Variants in MICAL3 observed in about 807,000 individuals in gnomAD.
MICAL3 encodes microtubule associated monooxygenase, calponin and LIM domain containing 3, also known as [F-actin]-monooxygenase MICAL3.
MICAL3 carries 62 observed loss-of-function variants against 207.4 expected under a neutral mutation model. The ratio of observed to expected loss-of-function variants is 0.30; its 90% CI spans 0.24 to 0.37. The LOEUF is 0.37. Among genes scored for constraint, MICAL3 ranks in the 10% least tolerant of loss-of-function variants. MICAL3 has a pLI of 1.00. For synonymous variants in MICAL3, 1,077 were observed against 1,069.3 expected, an observed-to-expected ratio of 1.01 and a Z score of -0.14; for missense variants, 2,368 against 2,635.6, an observed-to-expected ratio of 0.90 and a Z score of 2.22.
chr22:17,979,784 C>CAAAAAAAAACA lies in MICAL3; in HGVS notation c.-75+44486_-75+44496dup, dbSNP rs58179741. On this transcript the variant is annotated intron_variant, in intron 1 of 31. Transcript: ENST00000441493. The stretch of plus-strand genomic sequence containing the variant: ...GGCTTTACTGGTGGATTTAAAAAAA[C>CAAAAAAAAACA]AAAAAAAAACAAAAAAAAAACCCAC... 2.0e-5 allele frequency among the ~76,000 whole-genome samples: 3 copies of CAAAAAAAAACA among 148,214 alleles called. No individual in the cohort carries two copies. In the East Asian group the frequency reaches 6.1e-4, roughly 30 times the overall value.
In MICAL3 at chr22:17,902,325, C is replaced by A. The variant is rs1346895360; in HGVS notation, c.589+306G>T. Among the ~76,000 whole-genome samples, 1 of 152,222 alleles carries A rather than the reference C, an allele frequency of 6.6e-6. No homozygotes were observed. Among genetic ancestry groups the A allele is most frequent in the African/African-American group, 2.4e-5 (1 of 41,446 alleles). On this transcript the variant is annotated intron_variant, in intron 4 of 31. Transcript: ENST00000441493. The surrounding 1 kb of genome is among the most constrained non-coding windows in gnomAD (Gnocchi z 4.5). ...ACGCAGGAGAATTGCTCAGAGGTCA[C>A]AGTGAGCCAAGATTGAGCTACCGCA...
At chr22:17,963,885 C>T (rs935817026) in intron 1 of MICAL3, among the ~76,000 whole-genome samples, 1 of 152,158 alleles carries the variant, frequency 6.6e-6, no homozygotes, top group Non-Finnish European at 1.5e-5. Flanking sequence ...CAAATAGGCA[C>T]AAGGTCGTGG....
Position 18,024,547 on chromosome 22 carries a change from G to A in MICAL3, c.-341C>T, listed in dbSNP as rs1231772299. The A allele has an allele frequency of 6.6e-6, 1 of 151,786 alleles. No homozygotes were observed. Among genetic ancestry groups the A allele is most frequent in the African/African-American group, 2.4e-5 (1 of 41,400 alleles). The allele number at this position is 151,786 out of a possible 1,614,324, so 9.4% of individuals were successfully genotyped here. On this transcript the variant is annotated 5_prime_UTR_variant, in exon 1 of 32. Transcript: ENST00000441493. ...CCGCCGGGACTCCGCCGGGGCTGCAGGAGCGCGCGCTGCTGGCTGGGCGGG... is the reference window on the plus strand; with the variant it reads ...CCGCCGGGACTCCGCCGGGGCTGCAAGAGCGCGCGCTGCTGGCTGGGCGGG...
chr22:17,899,488 G>A lies in MICAL3; in HGVS notation c.908C>T (p.Ala303Val). 6.2e-7 allele frequency: 1 copy of A among 1,610,362 alleles called. No homozygotes were observed. Among genetic ancestry groups the A allele is most frequent in the Non-Finnish European group, 8.5e-7 (1 of 1,178,102 alleles). The change falls in exon 7 of 32, where the codon GCC becomes GTC. Residue 303 changes from alanine (A) to valine (V), a missense_variant. Ala to Val is a moderately conservative substitution (Grantham distance 64). This residue lies in a region of MICAL3 where 400 missense variants were observed against 547.0 expected (regional missense o/e 0.73). Coordinates refer to ENST00000441493, the MANE Select transcript of MICAL3 (RefSeq NM_015241.3). Reference sequence around the variant, plus strand: ...TTTGTCCAGCAAACTCTGCTTTTTGGCTGTCATAACGAAATAGTGTGTGTC... The same window carrying A: ...TTTGTCCAGCAAACTCTGCTTTTTGACTGTCATAACGAAATAGTGTGTGTC... ...KDDTHYFVMT[A>V]KKQSLLDKGV...
At chr22:17,924,275 C>A (rs1331666078) in intron 1 of MICAL3, among the ~76,000 whole-genome samples, 1 of 152,180 alleles carries the variant, frequency 6.6e-6, no homozygotes, top group Non-Finnish European at 1.5e-5. Context: ...TCTGTGTCTG[C>A]AGTCAAGCTC....
chr22:17,887,112 T>G, intron 15 of MICAL3, 58 bp downstream of exon 15: 3 of 1,384,360 alleles, frequency 2.2e-6, no homozygotes, highest in Non-Finnish European at 3.1e-6. Context: ...ATGAAGAATT[T>G]TAACCAAAAG....
chr22:17,832,252 G>T, intron 20 of MICAL3, 145 bp from the exon 21 acceptor site: 2 of 1,097,380 alleles, frequency 1.8e-6, no homozygotes, highest in Non-Finnish European at 1.3e-6. Flanking sequence ...GGAGAGAGCG[G>T]CATCAGCAGG....
intron 17 of MICAL3, among the ~76,000 whole-genome samples, chr22:17,868,331 A>C (rs1049549502): frequency 6.6e-6 from 1 of 152,170 alleles, no homozygotes. Context: ...AAAAAAAAAA[A>C]AGCTAATTTT....
chr22:17,978,966 A>C (rs981213847), intron 1 of MICAL3, among the ~76,000 whole-genome samples: 1 of 151,606 alleles, frequency 6.6e-6, no homozygotes, highest in African/African-American at 2.4e-5. Context: ...GCATGAGCCC[A>C]GGAGTTCGAG....
Position 17,925,098 on chromosome 22 carries a change from C to T in MICAL3, c.-74-18212G>A, listed in dbSNP as rs1440384799. Among the ~76,000 whole-genome samples, 6 of 152,172 alleles carry T rather than the reference C, an allele frequency of 3.9e-5. No homozygotes were observed. In the East Asian group the frequency reaches 9.6e-4, roughly 24 times the overall value. Reference sequence around the variant, plus strand: ...TGGAGAGCTACCCTCTGGCCAGAAACCAAAATGGGCTTGGCTCATTCCTGG... The same window carrying T: ...TGGAGAGCTACCCTCTGGCCAGAAATCAAAATGGGCTTGGCTCATTCCTGG... On this transcript the variant is annotated intron_variant, in intron 1 of 31. Coordinates refer to ENST00000441493, the MANE Select transcript of MICAL3 (RefSeq NM_015241.3).
At chr22:17,833,080 C>T (rs1299877404) in intron 20 of MICAL3, among the ~76,000 whole-genome samples, 8 of 152,152 alleles carry the variant, frequency 5.3e-5, no homozygotes, top group Admixed American at 1.3e-4. Flanking sequence ...AATGCACATG[C>T]CACAACGGAC....
intron 12 of MICAL3, among the ~76,000 whole-genome samples, chr22:17,890,792 C>T (rs1281584830): frequency 6.6e-6 from 1 of 152,194 alleles, no homozygotes; most frequent in East Asian, 1.9e-4. Flanking sequence ...GCTTCTGAAT[C>T]CTTCGGTTTG....
intron 1 of MICAL3, among the ~76,000 whole-genome samples, chr22:17,950,325 C>A (rs1041326592): frequency 7.2e-6 from 1 of 138,696 alleles, no homozygotes; most frequent in Non-Finnish European, 1.5e-5. Context: ...CCACATCTGG[C>A]GTTTTGTTTT....
At chr22:17,936,944 C>A (rs890812286) in intron 1 of MICAL3, among the ~76,000 whole-genome samples, 2 of 152,174 alleles carry the variant, frequency 1.3e-5, no homozygotes, top group Non-Finnish European at 2.9e-5. Context: ...CCTTCCTCTG[C>A]AAGAGCACAG....
chr22:18,007,922 CAAAAAAAAAAAAAAA>C (rs60544257), intron 1 of MICAL3, among the ~76,000 whole-genome samples: 4 of 37,754 alleles, frequency 1.1e-4, no homozygotes, highest in South Asian at 3.1e-3. Context: ...GACTCCATCT[CAAAAAAAAAAAAAAA>C]AAAAAAAAAA....
intron 1 of MICAL3, among the ~76,000 whole-genome samples, chr22:17,930,004 G>T (rs546327008): frequency 6.6e-6 from 1 of 152,108 alleles, no homozygotes; most frequent in Non-Finnish European, 1.5e-5. Flanking sequence ...AAGGAAAAAC[G>T]GGCAGAAGAT....
chr22:17,936,259 ATT>A (rs770029641), intron 1 of MICAL3, among the ~76,000 whole-genome samples: 47 of 152,192 alleles, frequency 3.1e-4, no homozygotes, highest in Non-Finnish European at 6.3e-4. Flanking sequence ...AAAAGGATGA[ATT>A]CATGTCCTTT....
rs1556037530 is a variant in MICAL3, at chr22:17,866,669, A to AGAATAGAATAGAATAG, written c.2429-658_2429-657insCTATTCTATTCTATTC. ...AGAATAGAATAGAATAGAATAGAAT[A>AGAATAGAATAGAATAG]TAGAATAGAATAGAATAGAATCCAG... is the stretch of plus-strand genomic sequence containing the variant. On this transcript the variant is annotated intron_variant, in intron 17 of 31. Coordinates refer to ENST00000441493, the MANE Select transcript of MICAL3 (RefSeq NM_015241.3). Among the ~76,000 whole-genome samples, 6 of 87,502 alleles carry AGAATAGAATAGAATAG rather than the reference A, an allele frequency of 6.9e-5. No individual in the cohort carries two copies. The East Asian group carries it at 2.1e-3, about 31-fold the overall frequency. 57.4% of individuals were successfully genotyped at this position (87,502 alleles called of 152,430 possible).
intron 20 of MICAL3, among the ~76,000 whole-genome samples, chr22:17,836,136 T>C (rs964256802): frequency 2.2e-4 from 33 of 152,198 alleles, no homozygotes; most frequent in Non-Finnish European, 4.1e-4. Context: ...AGACCTAGCA[T>C]GGGAAAGAAA....
Sources: gnomAD v4.1 joint callset for allele counts (sites outside exome capture counted in the v4.1 genomes callset) on GRCh38, gnomAD v4.1.1 for gene constraint, gnomAD v4.1.1 regional missense constraint, Gnocchi (gnomAD v3.1) non-coding constraint, MANE v1.5 for transcripts, NCBI Gene and HGNC (gene_info 2026-07-23, HGNC 2026-07-21) for gene names.